PTPRN2: variants seen among roughly 807,000 people sequenced by gnomAD.
PTPRN2 encodes the protein receptor-type tyrosine-protein phosphatase N2.
Under a neutral mutation model 118.8 loss-of-function variants are expected in PTPRN2, and 74 were observed. That is an observed-to-expected ratio of 0.62 (90% CI 0.52 to 0.76). The LOEUF (loss-of-function observed/expected upper bound fraction) is 0.76. Ranked by LOEUF, PTPRN2 falls within the 30% of genes least tolerant of loss-of-function variation. The pLI is 0.00. For missense variants in PTPRN2, 1,481 were observed against 1,394.4 expected (o/e 1.06, Z -0.99); for synonymous variants, 641 against 608.0 (o/e 1.05, Z -0.80).
At chr7:157,772,282 G>GACACAAACACACAGACAT (rs1802905569) in intron 12 of PTPRN2, among the ~76,000 whole-genome samples, 1 of 72,020 alleles carries the variant, frequency 1.4e-5, no homozygotes, top group African/African-American at 1.2e-4. Context: ...GACATACACA[G>GACACAAACACACAGACAT]ACACACAAAC....
At chr7:158,127,390 A>C (rs1406210845) in intron 9 of PTPRN2, among the ~76,000 whole-genome samples, 2 of 151,482 alleles carry the variant, frequency 1.3e-5, no homozygotes, top group Non-Finnish European at 2.9e-5. Flanking sequence ...TCATCTCTCC[A>C]CAGTCCAGGA....
chr7:158,042,652 G>T (rs1256710619), intron 11 of PTPRN2, among the ~76,000 whole-genome samples: 5 of 152,206 alleles, frequency 3.3e-5, no homozygotes, highest in African/African-American at 4.8e-5. Flanking sequence ...GCAGGGGCAG[G>T]CCAGGCCCAG....
chr7:158,409,982 C>T (rs1813906281), intron 2 of PTPRN2, among the ~76,000 whole-genome samples: 1 of 152,230 alleles, frequency 6.6e-6, no homozygotes, highest in South Asian at 2.1e-4. Flanking sequence ...GCCCCCACAG[C>T]CCCAGCTGCC....
chr7:158,312,367 T>G (rs964087019), intron 3 of PTPRN2, among the ~76,000 whole-genome samples: 6 of 135,176 alleles, frequency 4.4e-5, no homozygotes, highest in African/African-American at 2.0e-4. Context: ...CACACACACA[T>G]GCACACATGC....
chr7:157,549,150 C>A (rs998819548), intron 21 of PTPRN2, 131 bp from the exon 22 acceptor site: 3 of 869,302 alleles, frequency 3.5e-6, no homozygotes, highest in Non-Finnish European at 3.7e-6. Context: ...ATCCCTCAGC[C>A]GGCTGGCAGG....
chr7:158,518,578 T>C (rs1304149669), intron 1 of PTPRN2, among the ~76,000 whole-genome samples: 1 of 152,042 alleles, frequency 6.6e-6, no homozygotes, highest in Admixed American at 6.6e-5. Flanking sequence ...ATAAACAGAT[T>C]ACCAGGACGG....
intron 3 of PTPRN2, among the ~76,000 whole-genome samples, chr7:158,240,359 T>G (rs997338484): frequency 5.3e-5 from 8 of 152,182 alleles, no homozygotes; most frequent in African/African-American, 1.9e-4. Context: ...CTACCCAATA[T>G]TAGTCCAGAC....
rs1253390437 is a variant in PTPRN2 at position 158,404,948 on chromosome 7, A to G, written c.163+84787T>C. ...CCCAGCTCCCCGGCCCCAGCTCCCC[A>G]GCTCCCAGCTCCCTGGCCTCCAGCT... is the stretch of plus-strand genomic sequence containing the variant. On this transcript the variant is annotated intron_variant, in intron 2 of 22. Coordinates refer to ENST00000389418, the MANE Select transcript of PTPRN2 (RefSeq NM_002847.5). 2.9e-4 allele frequency among the ~76,000 whole-genome samples: 19 copies of G among 66,354 alleles called. No homozygotes were observed. The East Asian group carries it at 3.2e-3, about 11-fold the overall frequency. The allele number at this position is 66,354 out of a possible 152,430, so 43.5% of individuals were successfully genotyped here.
In PTPRN2 at chr7:157,804,629, G is replaced by A. The variant is rs116649311; in HGVS notation, c.1788+94044C>T. ...GGTGACACATAAGGTGAGGACCCAC[G>A]CGTGCACACACATACACACACTTGC... On this transcript the variant is annotated intron_variant, in intron 12 of 22. Coordinates refer to ENST00000389418, the MANE Select transcript of PTPRN2 (RefSeq NM_002847.5). Among the ~76,000 whole-genome samples the A allele has an allele frequency of 5.0e-3, 768 of 152,198 alleles. 6 individuals carry two copies. Among genetic ancestry groups the A allele is most frequent in the African/African-American group, 0.017 (724 of 41,534 alleles).
At chr7:157,852,281 T>C (rs1273964376) in intron 12 of PTPRN2, among the ~76,000 whole-genome samples, 2 of 152,244 alleles carry the variant, frequency 1.3e-5, no homozygotes, top group Admixed American at 6.5e-5. Context: ...TGTGTATCTC[T>C]GTTGAAAACA....
rs1286636002 is a variant in PTPRN2, at chr7:158,081,577, TG to T, written c.1644-201del. Among the ~76,000 whole-genome samples, 10 of 152,330 alleles carry T rather than the reference TG, an allele frequency of 6.6e-5. No homozygotes were observed. In the South Asian group the frequency reaches 1.2e-3, roughly 19 times the overall value. On this transcript the variant is annotated intron_variant, in intron 10 of 22. Transcript: ENST00000389418. ...TTCCATTTGCCAGGAATTCCGTTTT[TG>T]GGCTTTGCTTTTCCAAAACACACAT...
chr7:158,465,588 C>G (rs764964435), intron 2 of PTPRN2, among the ~76,000 whole-genome samples: 6 of 152,196 alleles, frequency 3.9e-5, no homozygotes, highest in Non-Finnish European at 5.9e-5. Context: ...TATTGCTATG[C>G]TTACTTTAGA....
chr7:157,949,755 A>T (rs1471979563), intron 11 of PTPRN2, among the ~76,000 whole-genome samples: 8 of 152,232 alleles, frequency 5.3e-5, no homozygotes, highest in Non-Finnish European at 7.3e-5. Flanking sequence ...AGCTCCACAA[A>T]CAGTAAATTT....
intron 12 of PTPRN2, among the ~76,000 whole-genome samples, chr7:157,755,652 C>T (rs1475476297): frequency 6.6e-6 from 1 of 152,094 alleles, no homozygotes. Context: ...CATGTTCTCA[C>T]TTATGAGTGG....
chr7:158,523,682 G>A (rs1219792724), intron 1 of PTPRN2, among the ~76,000 whole-genome samples: 3 of 144,218 alleles, frequency 2.1e-5, no homozygotes, highest in African/African-American at 7.8e-5. Flanking sequence ...CTGGAGCGGA[G>A]TCGTCTGCCC....
chr7:158,420,190 C>T (rs531829332), intron 2 of PTPRN2, among the ~76,000 whole-genome samples: 8 of 152,280 alleles, frequency 5.3e-5, no homozygotes, highest in African/African-American at 9.6e-5. Flanking sequence ...CATTGTCTCA[C>T]GGCGAGCTGG....
chr7:158,171,302 TAC>T (rs1190009891), intron 5 of PTPRN2, among the ~76,000 whole-genome samples: 1,116 of 24,352 alleles, frequency 0.046, 135 homozygotes, highest in East Asian at 0.32. Flanking sequence ...CACATATATA[TAC>T]ACACATATAT....
chr7:157,735,132 C>T (rs1305057763), intron 12 of PTPRN2, among the ~76,000 whole-genome samples: 1 of 152,226 alleles, frequency 6.6e-6, no homozygotes, highest in Non-Finnish European at 1.5e-5. Context: ...AACACGGCTC[C>T]TGTGGCCACA....
intron 11 of PTPRN2, among the ~76,000 whole-genome samples, chr7:157,956,846 T>C (rs1218148664): frequency 1.3e-5 from 2 of 152,264 alleles, no homozygotes; most frequent in African/African-American, 2.4e-5. Context: ...GTGTGACTAA[T>C]TCATGTTTGG....
Sources: gnomAD v4.1 joint callset for allele counts (sites outside exome capture counted in the v4.1 genomes callset) on GRCh38, gnomAD v4.1.1 for gene constraint, MANE v1.5 for transcripts, NCBI Gene and HGNC (gene_info 2026-07-23, HGNC 2026-07-21) for gene names.